Variants in EXOC6B observed in about 807,000 individuals in gnomAD.
The protein encoded by EXOC6B is SEC15 homolog B.
Under a neutral mutation model 113.5 loss-of-function variants are expected in EXOC6B, and 54 were observed. That is an observed-to-expected ratio of 0.48 (90% CI 0.38 to 0.60). EXOC6B has a LOEUF of 0.60. Ranked by LOEUF, EXOC6B falls within the 20% of genes least tolerant of loss-of-function variation. The pLI, the probability that EXOC6B is intolerant of heterozygous loss-of-function variation, is 0.00. For missense variants in EXOC6B, 797 were observed against 977.5 expected, an observed-to-expected ratio of 0.82 and a Z score of 2.46; for synonymous variants, 357 against 339.0, an observed-to-expected ratio of 1.05 and a Z score of -0.58.
intron 1 of EXOC6B, among the ~76,000 whole-genome samples, chr2:72,812,148 A>G (rs1229056654): frequency 1.3e-5 from 2 of 152,216 alleles, no homozygotes; most frequent in African/African-American, 4.8e-5. Context: ...AATCTACACA[A>G]AAACTCCTAG....
At chr2:72,774,763 G>GAGTT (rs1683600217) in intron 1 of EXOC6B, among the ~76,000 whole-genome samples, 1 of 152,000 alleles carries the variant, frequency 6.6e-6, no homozygotes, top group Non-Finnish European at 1.5e-5. Context: ...CTATCTGCTG[G>GAGTT]AGTTAGCATC....
intron 1 of EXOC6B, among the ~76,000 whole-genome samples, chr2:72,754,416 G>A (rs77042179): frequency 0.025 from 3,728 of 151,346 alleles, 157 homozygotes; most frequent in African/African-American, 0.084. Flanking sequence ...CTTTTTGGTA[G>A]AGATGAGGTC....
intron 1 of EXOC6B, among the ~76,000 whole-genome samples, chr2:72,805,741 G>C (rs1685546261): frequency 6.6e-6 from 1 of 151,990 alleles, no homozygotes; most frequent in South Asian, 2.1e-4. Context: ...TTTTCATCTT[G>C]TCTAACTGAA....
At chr2:72,712,327 C>G (rs138854059) in intron 6 of EXOC6B, among the ~76,000 whole-genome samples, 11 of 152,306 alleles carry the variant, frequency 7.2e-5, no homozygotes, top group African/African-American at 2.6e-4. Flanking sequence ...CAATTACTGT[C>G]TCAGAGTTAA....
chr2:72,262,448 A>C (rs963818287), intron 20 of EXOC6B, among the ~76,000 whole-genome samples: 1 of 152,112 alleles, frequency 6.6e-6, no homozygotes, highest in African/African-American at 2.4e-5. Flanking sequence ...GACAGCTTAC[A>C]AATAATAAAG....
chr2:72,584,219 T>TA (rs76375907), intron 6 of EXOC6B, among the ~76,000 whole-genome samples: 246 of 142,484 alleles, frequency 1.7e-3, no homozygotes, highest in Middle Eastern at 7.2e-3. Flanking sequence ...CAAGTAGGGT[T>TA]AAAAAAAAAA....
rs144896313 is a variant in EXOC6B at position 72,249,040 on chromosome 2, G to C, written c.2197-64853C>G. ...GGCTTTTGGGAGGCCAAGGTGGGAG[G>C]AGTGATTGAGCAGAGGAGTTTGAGA... is the stretch of plus-strand genomic sequence containing the variant. On this transcript the variant is annotated intron_variant, in intron 20 of 21. Transcript: ENST00000272427. 3.8e-3 allele frequency among the ~76,000 whole-genome samples: 572 copies of C among 152,314 alleles called. 4 individuals are homozygous for C. Among genetic ancestry groups the C allele is most frequent in the African/African-American group, 0.013 (544 of 41,576 alleles).
intron 11 of EXOC6B, among the ~76,000 whole-genome samples, chr2:72,504,366 T>G (rs144790746): frequency 1.3e-5 from 2 of 152,338 alleles, no homozygotes; most frequent in East Asian, 3.9e-4. Context: ...ACTTAATCAA[T>G]ATTTTTTCTC....
chr2:72,765,945 G>C (rs1266829164), intron 1 of EXOC6B, among the ~76,000 whole-genome samples: 3 of 152,198 alleles, frequency 2.0e-5, no homozygotes, highest in Non-Finnish European at 4.4e-5. Flanking sequence ...TAAGAGGTTA[G>C]AATCCTGAAG....
At chr2:72,723,730 T>A (rs1449356833) in intron 5 of EXOC6B, among the ~76,000 whole-genome samples, 1 of 143,476 alleles carries the variant, frequency 7.0e-6, no homozygotes, top group Non-Finnish European at 1.5e-5. Flanking sequence ...GAAAAATCAG[T>A]ATTTATAGCT....
intron 6 of EXOC6B, among the ~76,000 whole-genome samples, chr2:72,659,484 C>A (rs762497710): frequency 4.6e-5 from 7 of 152,066 alleles, no homozygotes; most frequent in Non-Finnish European, 8.8e-5. Flanking sequence ...ACTGTGTTAA[C>A]AGCTATATTT....
intron 18 of EXOC6B, among the ~76,000 whole-genome samples, chr2:72,455,773 C>T (rs569094647): frequency 2.6e-5 from 4 of 151,966 alleles, no homozygotes; most frequent in African/African-American, 4.8e-5. Flanking sequence ...TATACACCTA[C>T]GTGTGTGTGT....
At chr2:72,724,902 G>C (rs1221052289) in intron 5 of EXOC6B, among the ~76,000 whole-genome samples, 2 of 152,042 alleles carry the variant, frequency 1.3e-5, no homozygotes, top group Admixed American at 6.6e-5. Flanking sequence ...GGGGTGGGGA[G>C]AAAAGATCTT....
intron 6 of EXOC6B, among the ~76,000 whole-genome samples, chr2:72,658,998 G>A (rs1041862376): frequency 1.3e-5 from 2 of 151,896 alleles, no homozygotes; most frequent in African/African-American, 2.4e-5. Flanking sequence ...CCGCTTAGTC[G>A]TACCTCCTAT....
chr2:72,738,400 G>A (rs1681099986), intron 2 of EXOC6B, among the ~76,000 whole-genome samples: 1 of 152,162 alleles, frequency 6.6e-6, no homozygotes, highest in African/African-American at 2.4e-5. Context: ...CATCTCTGCA[G>A]TCTGCCCCTT....
intron 20 of EXOC6B, among the ~76,000 whole-genome samples, chr2:72,332,838 T>G (rs1409845533): frequency 1.3e-5 from 2 of 152,158 alleles, no homozygotes; most frequent in African/African-American, 2.4e-5. Flanking sequence ...AGCCTCCTTT[T>G]AAAATGATGC....
intron 1 of EXOC6B, among the ~76,000 whole-genome samples, chr2:72,804,518 G>C (rs542729866): frequency 1.8e-4 from 28 of 152,182 alleles, no homozygotes; most frequent in Admixed American, 1.0e-3. Context: ...TGCAAAAAAT[G>C]CTCATATTTC....
In EXOC6B at chr2:72,431,495, A is replaced by ATCTATCTATCTATCTATCTC. The variant is rs1221830015; in HGVS notation, c.1980+33664_1980+33665insGAGATAGATAGATAGATAGA. 2.7e-3 allele frequency among the ~76,000 whole-genome samples: 396 copies of ATCTATCTATCTATCTATCTC among 146,822 alleles called. 1 individual carries two copies. Among genetic ancestry groups the ATCTATCTATCTATCTATCTC allele is most frequent in the African/African-American group, 9.4e-3 (379 of 40,310 alleles). On this transcript the variant is annotated intron_variant, in intron 18 of 21. Transcript: ENST00000272427. ...ACTGGCTTGATTTCTTTATCTATCT[A>ATCTATCTATCTATCTATCTC]TCTATCTATCTATCTATCTATCTAT...
intron 11 of EXOC6B, 34 bp from the exon 12 acceptor site, chr2:72,500,006 T>C: frequency 1.5e-6 from 2 of 1,345,330 alleles, no homozygotes; most frequent in South Asian, 2.6e-5. Flanking sequence ...AGGAAAAACA[T>C]GTTATTAGTA....
Sources: allele counts gnomAD v4.1 joint callset (sites outside exome capture counted in the v4.1 genomes callset), GRCh38; gene constraint gnomAD v4.1.1; transcripts MANE v1.5; gene names NCBI Gene and HGNC (gene_info 2026-07-23, HGNC 2026-07-21).